The following ARID1B variants were observed in gnomAD, a reference collection of about 807,000 sequenced individuals.
The protein encoded by ARID1B is AT-rich interaction domain 1B.
Under a neutral mutation model 212.3 loss-of-function variants are expected in ARID1B, and 30 were observed. The observed-to-expected ratio is 0.14, with a 90% CI of 0.11 to 0.19. The LOEUF (loss-of-function observed/expected upper bound fraction) is 0.19, where lower values mean the gene tolerates loss of function less well. Among genes scored for constraint, ARID1B ranks in the 10% least tolerant of loss-of-function variants. ARID1B has a pLI of 1.00. For missense variants in ARID1B, 2,891 were observed against 3,204.0 expected (o/e 0.90, Z 2.36); for synonymous variants, 1,402 against 1,301.7 (o/e 1.08, Z -1.66).
chr6:156,982,111 CTT>C (rs1174335262), intron 4 of ARID1B, among the ~76,000 whole-genome samples: 1 of 151,774 alleles, frequency 6.6e-6, no homozygotes, highest in Non-Finnish European at 1.5e-5. Context: ...CTGCGCACAT[CTT>C]TCAGTAGCTT....
At chr6:156,973,298 G>A (rs1436125356) in intron 4 of ARID1B, among the ~76,000 whole-genome samples, 4 of 152,266 alleles carry the variant, frequency 2.6e-5, no homozygotes, top group South Asian at 2.1e-4. Flanking sequence ...TTTGGTAACA[G>A]CGAGTTCTTT....
Position 156,908,278 on chromosome 6 carries a change from C to CTA in ARID1B, c.2136+6763_2136+6764dup, listed in dbSNP as rs201299458. Among the ~76,000 whole-genome samples the CTA allele has an allele frequency of 6.3e-3, 955 of 152,026 alleles. 13 individuals are homozygous for CTA. The highest frequency in any genetic ancestry group is 0.022 in the African/African-American group (904 of 41,466). On this transcript the variant is annotated intron_variant, in intron 3 of 19. Transcript: ENST00000636930. Reference sequence around the variant, plus strand: ...AAAATTTCTTCTTGTGTGAGTATTGCTATATATATATTCCTATGTATAGGA... The same window carrying CTA: ...AAAATTTCTTCTTGTGTGAGTATTGCTATATATATATATTCCTATGTATAGGA...
chr6:157,164,157 A>G (rs1304614990), intron 8 of ARID1B, among the ~76,000 whole-genome samples: 3 of 152,232 alleles, frequency 2.0e-5, no homozygotes, highest in African/African-American at 4.8e-5. Context: ...CCAAAGGACC[A>G]GAGCTCCCAG....
rs968354904 is a variant in ARID1B, at chr6:157,072,316, A to G, written c.2248-12346A>G. On this transcript the variant is annotated intron_variant, in intron 4 of 19. Coordinates refer to ENST00000636930, the MANE Select transcript of ARID1B (RefSeq NM_001374828.1). ...CTTTACAAAAAAAGCTTCAGCATTT[A>G]TACAGTTGGTAAATTCTCAAGTACA... 7 of 152,310 alleles carry G rather than the reference A, an allele frequency of 4.6e-5. 1 individual carries two copies. The East Asian group carries it at 1.4e-3, about 29-fold the overall frequency. The allele number at this position is 152,310 out of a possible 1,614,324, so 9.4% of individuals were successfully genotyped here.
intron 4 of ARID1B, chr6:156,941,032 C>T (rs114011323): frequency 1.8e-3 from 273 of 152,186 alleles, no homozygotes; most frequent in African/African-American, 6.3e-3. Context: ...AGCTGTCTTC[C>T]GTTGATTGAT....
intron 4 of ARID1B, among the ~76,000 whole-genome samples, chr6:156,949,269 G>A (rs1793398616): frequency 6.8e-6 from 1 of 146,506 alleles, no homozygotes; most frequent in Non-Finnish European, 1.5e-5. Flanking sequence ...GCCTGTTTTA[G>A]GGGTATCAGA....
chr6:156,871,802 A>G, intron 2 of ARID1B: 1 of 909,906 alleles, frequency 1.1e-6, no homozygotes. Flanking sequence ...GTGCAGGTGC[A>G]TGTCCTGCTT....
chr6:157,127,168 A>C (rs1010887165), intron 6 of ARID1B, among the ~76,000 whole-genome samples: 4 of 152,242 alleles, frequency 2.6e-5, no homozygotes, highest in African/African-American at 9.6e-5. Flanking sequence ...AAAAACGTTT[A>C]AACCAGAATC....
At chr6:156,831,797 G>T (rs945349162) in intron 2 of ARID1B, among the ~76,000 whole-genome samples, 3 of 152,158 alleles carry the variant, frequency 2.0e-5, no homozygotes, top group African/African-American at 7.2e-5. Flanking sequence ...TTTTAGATTG[G>T]ATATTTTACT....
In ARID1B at chr6:157,208,032, G is replaced by T; in HGVS notation, c.*141G>T. 1 of 860,492 alleles carries T rather than the reference G, an allele frequency of 1.2e-6. No homozygotes were observed. Among genetic ancestry groups the T allele is most frequent in the Non-Finnish European group, 1.6e-6 (1 of 619,886 alleles). 53.3% of individuals were successfully genotyped at this position (860,492 alleles called of 1,614,324 possible). Reference sequence around the variant, plus strand: ...TGCCCCATTCACTATTTACCAATTGGGAATTAAAGAAATAATTAATTTGAA... The same window carrying T: ...TGCCCCATTCACTATTTACCAATTGTGAATTAAAGAAATAATTAATTTGAA... On this transcript the variant is annotated 3_prime_UTR_variant, in exon 20 of 20. Coordinates refer to ENST00000636930, the MANE Select transcript of ARID1B (RefSeq NM_001374828.1).
Position 157,190,304 on chromosome 6 carries a change from T to G in ARID1B, c.4231+94T>G, listed in dbSNP as rs1259965019. ...GTTCACCTTTCACTCAGAACACCTC[T>G]GAGCCCATGCTGCATCGGTGTGGGT... On this transcript the variant is annotated intron_variant, in intron 15 of 19. Transcript: ENST00000636930. The surrounding 1 kb of genome is among the most constrained non-coding windows in gnomAD (Gnocchi z 4.6). 1.4e-6 allele frequency: 2 copies of G among 1,408,846 alleles called. No individual in the cohort carries two copies. Among genetic ancestry groups the G allele is most frequent in the Non-Finnish European group, 1.9e-6 (2 of 1,057,014 alleles). 87.3% of individuals were successfully genotyped at this position (1,408,846 alleles called of 1,614,324 possible).
At chr6:156,791,470 G>A (rs556790993) in intron 1 of ARID1B, among the ~76,000 whole-genome samples, 21 of 152,312 alleles carry the variant, frequency 1.4e-4, no homozygotes, top group South Asian at 4.1e-4. Context: ...AACCCCTTAC[G>A]TGAGCTGTTC....
intron 3 of ARID1B, among the ~76,000 whole-genome samples, chr6:156,920,758 GA>G (rs1355696543): frequency 6.6e-6 from 1 of 152,196 alleles, no homozygotes; most frequent in African/African-American, 2.4e-5. Context: ...TTAGCCTAGG[GA>G]GACAGAAGAA....
intron 4 of ARID1B, chr6:156,985,139 T>A (rs2128388448): frequency 6.6e-6 from 1 of 152,366 alleles, no homozygotes; most frequent in East Asian, 1.9e-4. Flanking sequence ...TCTTTCAGGC[T>A]GTGACTCTTA....
At chr6:157,091,394 G>C (rs931085215) in intron 5 of ARID1B, among the ~76,000 whole-genome samples, 1 of 152,274 alleles carries the variant, frequency 6.6e-6, no homozygotes, top group East Asian at 1.9e-4. Context: ...CAGCAAGTGA[G>C]AGCTAAGTAG....
At chr6:157,090,031 G>A (rs1785182542) in intron 5 of ARID1B, among the ~76,000 whole-genome samples, 1 of 152,158 alleles carries the variant, frequency 6.6e-6, no homozygotes, top group South Asian at 2.1e-4. Context: ...GACTCAGCAC[G>A]GCATCTGAAT....
intron 2 of ARID1B, among the ~76,000 whole-genome samples, chr6:156,892,168 G>A (rs1787996693): frequency 6.6e-6 from 1 of 151,632 alleles, no homozygotes; most frequent in Admixed American, 6.6e-5. Flanking sequence ...AAAGTGACAG[G>A]CGTGAGCCAC....
At chr6:157,065,862 A>C (rs528100165) in intron 4 of ARID1B, among the ~76,000 whole-genome samples, 1 of 152,340 alleles carries the variant, frequency 6.6e-6, no homozygotes, top group South Asian at 2.1e-4. Context: ...GTGGAGGTGT[A>C]ACATAAATAC....
rs537248475 is a variant in ARID1B, at chr6:157,118,933, T to C, written c.2581+8372T>C. Among the ~76,000 whole-genome samples the C allele has an allele frequency of 4.6e-5, 7 of 152,352 alleles. No homozygotes were observed. In the East Asian group the frequency reaches 1.3e-3, roughly 29 times the overall value. On this transcript the variant is annotated intron_variant, in intron 6 of 19. Coordinates refer to ENST00000636930, the MANE Select transcript of ARID1B (RefSeq NM_001374828.1). ...GTGGGCTTTTAATACTTAATACTTA[T>C]TTGTAATTGGCTCATTATTCTTCAT...
Sources: gnomAD v4.1 joint callset for allele counts (sites outside exome capture counted in the v4.1 genomes callset) on GRCh38, gnomAD v4.1.1 for gene constraint, Gnocchi (gnomAD v3.1) non-coding constraint, MANE v1.5 for transcripts, NCBI Gene and HGNC (gene_info 2026-07-23, HGNC 2026-07-21) for gene names.